The following CDH17 variants were observed in gnomAD, a reference collection of about 807,000 sequenced individuals.
CDH17 encodes cadherin 17, also known as cadherin-17.
CDH17 carries 67 observed loss-of-function variants against 86.3 expected under a neutral mutation model. That is an observed-to-expected ratio of 0.78 (90% CI 0.64 to 0.95). The LOEUF (loss-of-function observed/expected upper bound fraction) is 0.95. CDH17 is among the 40% of genes least tolerant of loss of function. The pLI, the probability that CDH17 is intolerant of heterozygous loss-of-function variation, is 0.00. For missense variants in CDH17, 993 were observed against 1,017.6 expected (o/e 0.98, Z 0.33); for synonymous variants, 367 against 366.4 (o/e 1.00, Z -0.02).
At chr8:94,195,977 G>T (rs545391559) in intron 1 of CDH17, among the ~76,000 whole-genome samples, 2 of 151,654 alleles carry the variant, frequency 1.3e-5, no homozygotes, top group African/African-American at 4.8e-5. Flanking sequence ...AGCCACGATG[G>T]TCTCAATCTC....
At chr8:94,189,051 T>C (rs771526806) in intron 3 of CDH17, 136 bp downstream of exon 3, 1 of 683,244 alleles carries the variant, frequency 1.5e-6, no homozygotes, top group Non-Finnish European at 2.6e-6. Context: ...CTGTTTAACT[T>C]AGCTTCTGAA....
At chr8:94,205,724 T>G (rs1010945037) in intron 1 of CDH17, among the ~76,000 whole-genome samples, 1 of 152,152 alleles carries the variant, frequency 6.6e-6, no homozygotes, top group African/African-American at 2.4e-5. Context: ...GGAATTGTTT[T>G]AAAAAATAGC....
At chr8:94,207,697 T>C (rs539611717) in intron 1 of CDH17, among the ~76,000 whole-genome samples, 10 of 152,334 alleles carry the variant, frequency 6.6e-5, no homozygotes, top group Middle Eastern at 3.4e-3. Context: ...GTCCTTCCAA[T>C]CTGCTGCTTG....
intron 1 of CDH17, among the ~76,000 whole-genome samples, chr8:94,203,552 A>G (rs1813962167): frequency 6.6e-6 from 1 of 152,226 alleles, no homozygotes; most frequent in Non-Finnish European, 1.5e-5. Context: ...ACCATTTTTC[A>G]TCGATTAATG....
At chr8:94,134,121 T>C (rs1159811492) in intron 15 of CDH17, among the ~76,000 whole-genome samples, 1 of 152,208 alleles carries the variant, frequency 6.6e-6, no homozygotes, top group Non-Finnish European at 1.5e-5. Context: ...ATTCTCTGTT[T>C]TTGTTGTGTC....
intron 7 of CDH17, among the ~76,000 whole-genome samples, chr8:94,172,975 T>C (rs1453679173): frequency 6.6e-6 from 1 of 152,144 alleles, no homozygotes; most frequent in African/African-American, 2.4e-5. Flanking sequence ...GGCAAGTCTA[T>C]TGGGTCAAGA....
chr8:94,169,935 T>C (rs1280201583), intron 9 of CDH17, among the ~76,000 whole-genome samples: 1 of 152,190 alleles, frequency 6.6e-6, no homozygotes, highest in Non-Finnish European at 1.5e-5. Flanking sequence ...GGGTCAAAAG[T>C]CAACTTCCAT....
intron 1 of CDH17, among the ~76,000 whole-genome samples, chr8:94,201,305 G>C (rs1318236084): frequency 4.6e-5 from 7 of 152,016 alleles, no homozygotes; most frequent in African/African-American, 1.7e-4. Context: ...GGGTAGAATT[G>C]TGTCTCCCTC....
chr8:94,197,660 G>A (rs898739542), intron 1 of CDH17, among the ~76,000 whole-genome samples: 2 of 151,730 alleles, frequency 1.3e-5, no homozygotes, highest in African/African-American at 2.4e-5. Flanking sequence ...GTGAAACCCC[G>A]TCTCTACTAA....
At chr8:94,154,258 C>T (rs1385620170) in intron 12 of CDH17, among the ~76,000 whole-genome samples, 1 of 152,132 alleles carries the variant, frequency 6.6e-6, no homozygotes, top group Non-Finnish European at 1.5e-5. Context: ...GCAGGTCTTA[C>T]CAGAGCTTGC....
chr8:94,147,363 G>A (rs1462316484), intron 14 of CDH17, among the ~76,000 whole-genome samples: 1 of 152,114 alleles, frequency 6.6e-6, no homozygotes, highest in Non-Finnish European at 1.5e-5. Context: ...TACCCTTTTT[G>A]GTTTGACTTG....
At chr8:94,185,534 G>A (rs914724955) in intron 3 of CDH17, among the ~76,000 whole-genome samples, 4 of 152,154 alleles carry the variant, frequency 2.6e-5, no homozygotes, top group African/African-American at 9.7e-5. Context: ...TGTAAAGCTT[G>A]TAAGTTGAAG....
At chr8:94,174,997 C>A (rs1274204914) in intron 5 of CDH17, among the ~76,000 whole-genome samples, 4 of 152,218 alleles carry the variant, frequency 2.6e-5, no homozygotes, top group East Asian at 1.9e-4. Flanking sequence ...CTAGAGACAG[C>A]TCATGAGACT....
intron 15 of CDH17, among the ~76,000 whole-genome samples, chr8:94,137,974 A>C (rs571249175): frequency 6.6e-6 from 1 of 152,248 alleles, no homozygotes; most frequent in East Asian, 1.9e-4. Context: ...TAGCTATGTA[A>C]TTGGGTAAGT....
At chr8:94,216,797 T>G (rs571558374) in intron 1 of CDH17, among the ~76,000 whole-genome samples, 1 of 151,918 alleles carries the variant, frequency 6.6e-6, no homozygotes, top group African/African-American at 2.4e-5. Flanking sequence ...TAAAGAGAGG[T>G]TTTTCTCAGT....
intron 17 of CDH17, among the ~76,000 whole-genome samples, chr8:94,129,028 A>G (rs1464385680): frequency 6.6e-6 from 1 of 152,242 alleles, no homozygotes; most frequent in Non-Finnish European, 1.5e-5. Context: ...AGGAGGAATC[A>G]TGGCAGAAAA....
intron 1 of CDH17, among the ~76,000 whole-genome samples, chr8:94,198,341 ATAGT>A (rs1455020534): frequency 2.0e-5 from 3 of 152,212 alleles, no homozygotes; most frequent in African/African-American, 7.2e-5. Context: ...GAATTAACTC[ATAGT>A]TAAACAAGAC....
At chr8:94,203,946 TG>T (rs1395071756) in intron 1 of CDH17, among the ~76,000 whole-genome samples, 1 of 152,202 alleles carries the variant, frequency 6.6e-6, no homozygotes, top group Admixed American at 6.5e-5. Flanking sequence ...TATGAAAATC[TG>T]GATTTACACA....
chr8:94,188,857 C>G (rs1813630546), intron 3 of CDH17, among the ~76,000 whole-genome samples: 1 of 152,136 alleles, frequency 6.6e-6, no homozygotes, highest in African/African-American at 2.4e-5. Context: ...GATCAGACAG[C>G]CTCGAGGGTG....
Sources: gnomAD v4.1 joint callset for allele counts (sites outside exome capture counted in the v4.1 genomes callset) on GRCh38, gnomAD v4.1.1 for gene constraint, MANE v1.5 for transcripts, NCBI Gene and HGNC (gene_info 2026-07-23, HGNC 2026-07-21) for gene names.